Variants in UBA1 observed in about 807,000 individuals in gnomAD.
UBA1 encodes ubiquitin like modifier activating enzyme 1.
Under a neutral mutation model 84.7 loss-of-function variants are expected in UBA1, and 4 were observed. The ratio of observed to expected loss-of-function variants is 0.05; its 90% CI spans 0.02 to 0.11. The LOEUF (loss-of-function observed/expected upper bound fraction) is 0.11. Among genes scored for constraint, UBA1 ranks in the 10% least tolerant of loss-of-function variants. The pLI, the probability that UBA1 is intolerant of heterozygous loss-of-function variation, is 1.00. For missense variants in UBA1, 513 were observed against 902.8 expected (o/e 0.57, Z 5.53); for synonymous variants, 364 against 362.6 (o/e 1.00, Z -0.04).
intron 20 of UBA1, among the ~76,000 whole-genome samples, chrX:47,211,704 A>C (rs1230508373): frequency 2.9e-4 from 23 of 78,662 alleles, no homozygotes; most frequent in African/African-American, 5.1e-4. Flanking sequence ...TTTTTTCACC[A>C]CCCCTCCCTT....
Position 47,209,679 on chromosome X carries a change from G to C in UBA1, c.1995G>C (p.Gln665His), listed in dbSNP as rs1442351137. ...AGCAGCCAGCAGAAAATGTCAACCA[G>C]TACCTCACGTGAGTAACTCGAGTGC... is the stretch of plus-strand genomic sequence containing the variant. ...LFKQPAENVN[Q>H]YLTDPKFVER... The change falls in exon 17 of 26, where the codon CAG becomes CAC. Residue 665 changes from glutamine to histidine, a missense_variant. By Grantham distance (24) the Gln-to-His change is conservative. This residue lies in a region of UBA1 where 40 missense variants were observed against 138.3 expected (regional missense o/e 0.29). Transcript: ENST00000335972. 1 of 1,211,203 alleles carries C rather than the reference G, an allele frequency of 8.3e-7. No homozygotes were observed. Among genetic ancestry groups the C allele is most frequent in the Admixed American group, 2.2e-5 (1 of 46,029 alleles).
At chrX:47,191,925 C>A (rs951482782), upstream of UBA1, among the ~76,000 whole-genome samples, 1 of 111,867 alleles carries the variant, frequency 8.9e-6, no homozygotes, top group Non-Finnish European at 1.9e-5. Flanking sequence ...GCCTGGTAAT[C>A]CCAGATAATC....
At chrX:47,199,787 CT>C (rs371252758) in intron 5 of UBA1, among the ~76,000 whole-genome samples, 173 bp downstream of exon 5, 167 of 101,712 alleles carry the variant, frequency 1.6e-3, no homozygotes, top group Middle Eastern at 5.3e-3. Flanking sequence ...TTCTTTTCTT[CT>C]TTTTTTTTTT....
At chrX:47,207,373 G>A (rs1936720873) in intron 16 of UBA1, among the ~76,000 whole-genome samples, 1 of 111,882 alleles carries the variant, frequency 8.9e-6, no homozygotes, top group Non-Finnish European at 1.9e-5. Context: ...ACTAACGATA[G>A]CTGATGAGCT....
rs368506746 is a variant in UBA1 at position 47,202,402 on chromosome X, G to C, written c.954G>C (p.Thr318=). Residue 318 remains threonine, a synonymous_variant, in exon 10 of 26, where the codon ACG becomes ACC. Transcript: ENST00000335972. The part of the protein sequence containing the change: ...ASLAEPDFVV[T]DFAKFSRPAQ... ...TGGCAGAACCTGACTTTGTGGTGAC[G>C]GACTTCGCCAAGTTTTCTCGCCCTG... is the stretch of plus-strand genomic sequence containing the variant. 1.7e-6 allele frequency: 2 copies of C among 1,210,768 alleles called. No individual in the cohort carries two copies. Among genetic ancestry groups the C allele is most frequent in the Non-Finnish European group, 2.2e-6 (2 of 894,973 alleles).
At chrX:47,190,870 C>T (rs999335748), upstream of UBA1, 2 of 112,979 alleles carry the variant, frequency 1.8e-5, no homozygotes, top group African/African-American at 6.4e-5. Flanking sequence ...TCTTGTACGA[C>T]AGAGGTGGTT....
chrX:47,209,631 G>A lies in UBA1; in HGVS notation c.1947G>A (p.Arg649=). ...NAIEHTLQWA[R]DEFEGLFKQP... ...GTTTGCTCTGTCTGCAGTGGGCTCGGGATGAGTTTGAAGGCCTCTTCAAGC... is the reference window on the plus strand; with the variant it reads ...GTTTGCTCTGTCTGCAGTGGGCTCGAGATGAGTTTGAAGGCCTCTTCAAGC... Residue 649 remains arginine (R), a synonymous_variant, in exon 17 of 26, where the codon CGG becomes CGA. Coordinates refer to ENST00000335972, the MANE Select transcript of UBA1 (RefSeq NM_003334.4). 3.3e-6 allele frequency: 4 copies of A among 1,211,640 alleles called. No homozygotes were observed. Among genetic ancestry groups the A allele is most frequent in the Non-Finnish European group, 4.5e-6 (4 of 895,318 alleles).
chrX:47,205,674 C>G, intron 14 of UBA1: 1 of 395,025 alleles, frequency 2.5e-6, no homozygotes, highest in Middle Eastern at 5.2e-4. Context: ...GGCAGCATGA[C>G]AAAACCCTGT....
intron 14 of UBA1, among the ~76,000 whole-genome samples, 163 bp downstream of exon 14, chrX:47,203,859 C>T (rs1352855800): frequency 9.3e-6 from 1 of 107,961 alleles, no homozygotes; most frequent in Non-Finnish European, 1.9e-5. Flanking sequence ...AGCGATTCTC[C>T]TGCCTCAGCC....
Position 47,206,262 on chromosome X carries a change from C to T in UBA1, c.1756C>T (p.Arg586Cys). ...GCTCCCCACAGGCATGTACATGGAC[C>T]GCCGCTGTGTCTACTACCGGAAGCC... ...DNVDARMYMD[R>C]RCVYYRKPLL... The change falls in exon 16 of 26, where the codon CGC becomes TGC. Residue 586 changes from arginine to cysteine, a missense_variant. Arg to Cys is a radical substitution (Grantham distance 180). Coordinates refer to ENST00000335972, the MANE Select transcript of UBA1 (RefSeq NM_003334.4). 1.7e-6 allele frequency: 2 copies of T among 1,205,505 alleles called. No individual in the cohort carries two copies. The highest frequency in any genetic ancestry group is 2.2e-6 in the Non-Finnish European group (2 of 892,212).
At chrX:47,207,188 C>T (rs1936712326) in intron 16 of UBA1, among the ~76,000 whole-genome samples, 1 of 111,707 alleles carries the variant, frequency 9.0e-6, no homozygotes, top group East Asian at 2.8e-4. Flanking sequence ...AGGTTTTCCC[C>T]AGCTGTTACT....
chrX:47,212,753 C>T lies in UBA1; in HGVS notation c.2554-18C>T. 2 of 1,196,458 alleles carry T rather than the reference C, an allele frequency of 1.7e-6. No homozygotes were observed. The highest frequency in any genetic ancestry group is 2.3e-6 in the Non-Finnish European group (2 of 882,312). On this transcript the variant is annotated intron_variant, in intron 21 of 25. Coordinates refer to ENST00000335972, the MANE Select transcript of UBA1 (RefSeq NM_003334.4). The stretch of plus-strand genomic sequence containing the variant: ...GATCCTCTCCCCACTGCCTTCACAC[C>T]CTCCCCACTCATAACAGGATGATGA...
upstream of UBA1, among the ~76,000 whole-genome samples, chrX:47,192,046 A>G (rs189618970): frequency 8.9e-6 from 1 of 111,858 alleles, no homozygotes; most frequent in East Asian, 2.8e-4. Context: ...ATTAGCTTAC[A>G]CTCGTTTAGC....
In UBA1 at chrX:47,209,705, C is replaced by A. The variant is rs1260715462; in HGVS notation, c.2003+18C>A. On this transcript the variant is annotated intron_variant, in intron 17 of 25. Coordinates refer to ENST00000335972, the MANE Select transcript of UBA1 (RefSeq NM_003334.4). Reference sequence around the variant, plus strand: ...TACCTCACGTGAGTAACTCGAGTGCCCTCTCGCCCTGTCCCTGTCCACCAG... The same window carrying A: ...TACCTCACGTGAGTAACTCGAGTGCACTCTCGCCCTGTCCCTGTCCACCAG... The A allele has an allele frequency of 6.6e-6, 8 of 1,206,075 alleles. No homozygotes were observed. The East Asian group carries it at 2.4e-4, about 36-fold the overall frequency.
chrX:47,214,493 G>A (rs1173217414), intron 24 of UBA1, 44 bp from the exon 25 acceptor site: 7 of 1,196,413 alleles, frequency 5.9e-6, no homozygotes, highest in Non-Finnish European at 7.9e-6. Flanking sequence ...TGACTTGCTG[G>A]CCTGTCCACC....
In UBA1 at chrX:47,200,934, G is replaced by A. The variant is rs1556787651; in HGVS notation, c.521G>A (p.Arg174Gln). 6 of 1,204,215 alleles carry A rather than the reference G, an allele frequency of 5.0e-6. No individual in the cohort carries two copies. The highest frequency in any genetic ancestry group is 3.0e-5 in the East Asian group (1 of 33,440). ...LTNTPLEDQL[R>Q]VGEFCHNRGI... is the part of the protein sequence containing the mutation. ...AACACCCCCCTGGAGGACCAGCTGC[G>A]AGTGGGTGAGTTCTGTCACAACCGT... Residue 174 changes from arginine to glutamine, a missense_variant, in exon 6 of 26, where the codon CGA becomes CAA. By Grantham distance (43) the Arg-to-Gln change is conservative. Coordinates refer to ENST00000335972, the MANE Select transcript of UBA1 (RefSeq NM_003334.4).
At position 47,202,979 on chromosome X, in the gene UBA1, C is replaced by G; in HGVS notation, c.1270C>G (p.Leu424Val). The G allele has an allele frequency of 1.7e-6, 2 of 1,211,916 alleles. No homozygotes were observed. The highest frequency in any genetic ancestry group is 2.2e-6 in the Non-Finnish European group (2 of 895,502). ...GAAGTTCATGCCCATCATGCAGTGG[C>G]TATACTTTGATGCCCTTGAGTGTCT... ...SGKFMPIMQWLYFDALECLPE... is the reference protein window; with the variant it reads ...SGKFMPIMQWVYFDALECLPE... Residue 424 changes from leucine (L) to valine (V), a missense_variant, in exon 12 of 26, where the codon CTA (leucine) becomes GTA (valine). Leu to Val is a conservative substitution (Grantham distance 32). This residue lies in a region of UBA1 where 227 missense variants were observed against 339.1 expected (regional missense o/e 0.67). Coordinates refer to ENST00000335972, the MANE Select transcript of UBA1 (RefSeq NM_003334.4).
chrX:47,205,855 A>G, intron 14 of UBA1, 93 bp from the exon 15 acceptor site: 2 of 1,061,909 alleles, frequency 1.9e-6, no homozygotes, highest in Admixed American at 2.6e-5. Flanking sequence ...CCCTGTCTCA[A>G]AAAAAATAAA....
intron 23 of UBA1, 99 bp from the exon 24 acceptor site, chrX:47,214,228 G>C: frequency 1.4e-6 from 1 of 730,957 alleles, no homozygotes; most frequent in Non-Finnish European, 2.2e-6. Context: ...GTTGTGATCT[G>C]ACTAAACACG....
Sources: gnomAD v4.1 joint callset for allele counts (sites outside exome capture counted in the v4.1 genomes callset) on GRCh38, gnomAD v4.1.1 for gene constraint, gnomAD v4.1.1 regional missense constraint, MANE v1.5 for transcripts, NCBI Gene and HGNC (gene_info 2026-07-23, HGNC 2026-07-21) for gene names.